EYS: variants seen among roughly 807,000 people sequenced by gnomAD.
EYS encodes the protein EGF-like photoreceptor maintenance factor.
A neutral mutation model predicts 282.1 loss-of-function variants in EYS; 250 were observed. The observed-to-expected ratio is 0.89, with a 90% CI of 0.80 to 0.98. The LOEUF (loss-of-function observed/expected upper bound fraction) is 0.98, where lower values mean the gene tolerates loss of function less well. Ranked by LOEUF, EYS falls within the 50% of genes least tolerant of loss-of-function variation. The pLI is 0.00. For missense variants in EYS, 4,016 were observed against 3,709.0 expected (o/e 1.08, Z -2.15); for synonymous variants, 1,355 against 1,282.9 (o/e 1.06, Z -1.20).
At chr6:64,682,410 C>T (rs537879924) in intron 22 of EYS, among the ~76,000 whole-genome samples, 1 of 152,082 alleles carries the variant, frequency 6.6e-6, no homozygotes, top group Non-Finnish European at 1.5e-5. Context: ...AAGTGATTCA[C>T]TGGCAGTGGC....
intron 33 of EYS, among the ~76,000 whole-genome samples, chr6:64,042,334 G>A (rs1225447115): frequency 6.6e-6 from 1 of 152,156 alleles, no homozygotes; most frequent in Non-Finnish European, 1.5e-5. Context: ...TAGTAACAGG[G>A]CTTAACTATT....
At chr6:64,681,447 A>T (rs183187841) in intron 22 of EYS, among the ~76,000 whole-genome samples, 57 of 152,300 alleles carry the variant, frequency 3.7e-4, no homozygotes, top group Admixed American at 8.5e-4. Context: ...TAGGGCAAAT[A>T]CTAGAAAGGA....
In EYS at chr6:65,653,010, A is replaced by C. The variant is rs184533002; in HGVS notation, c.-447-13118T>G. 2.3e-3 allele frequency among the ~76,000 whole-genome samples: 347 copies of C among 152,096 alleles called. 1 individual carries two copies. Among genetic ancestry groups the C allele is most frequent in the African/African-American group, 8.1e-3 (335 of 41,540 alleles). ...GGAGGGATAAACGAAGAGGAGGTTC[A>C]ACCTAAGCCAGAAGATAGTGTTAAC... On this transcript the variant is annotated intron_variant, in intron 1 of 42. Transcript: ENST00000503581.
chr6:65,288,954 G>A (rs1768446440), intron 12 of EYS, among the ~76,000 whole-genome samples: 2 of 150,748 alleles, frequency 1.3e-5, no homozygotes, highest in African/African-American at 2.4e-5. Flanking sequence ...TATCAATAAA[G>A]GGGAAATTGG....
intron 16 of EYS, among the ~76,000 whole-genome samples, chr6:64,909,943 T>A (rs1447473851): frequency 1.3e-5 from 2 of 152,188 alleles, no homozygotes; most frequent in African/African-American, 4.8e-5. Context: ...TACAGTCGCA[T>A]TGTTACTCTG....
Position 65,057,682 on chromosome 6 carries a change from CA to C in EYS, c.2068del (p.Cys690AlafsTer39). The C allele has an allele frequency of 3.9e-6, 6 of 1,550,936 alleles. No individual in the cohort carries two copies. The highest frequency in any genetic ancestry group is 4.4e-6 in the Non-Finnish European group (5 of 1,146,566). ...GTCAATGCAGGTGGCTCCATTTTTG[CA>C]GGGATGTGAAGCACACTCATCTATA... is the stretch of plus-strand genomic sequence containing the variant. ...IDIDECASHP[C>X]KNGATCIDQP... On this transcript the variant is annotated frameshift_variant, in exon 13 of 43. Coordinates refer to ENST00000503581, the MANE Select transcript of EYS (RefSeq NM_001142800.2). LOFTEE classifies it high-confidence loss of function.
intron 11 of EYS, among the ~76,000 whole-genome samples, chr6:65,324,593 C>T (rs1051864581): frequency 3.9e-5 from 6 of 152,154 alleles, no homozygotes; most frequent in African/African-American, 1.4e-4. Context: ...CTAGCATTTG[C>T]TCTTCTCCAC....
Position 64,500,063 on chromosome 6 carries a change from T to C in EYS, c.5645-60711A>G, listed in dbSNP as rs527437120. Among the ~76,000 whole-genome samples, 3 of 152,212 alleles carry C rather than the reference T, an allele frequency of 2.0e-5. No homozygotes were observed. In the South Asian group the frequency reaches 6.2e-4, roughly 32 times the overall value. ...TTATATGGGGTATAAAAATTTGTTA[T>C]GATGAAAATACATTGAATAAAATGA... On this transcript the variant is annotated intron_variant, in intron 26 of 42. Transcript: ENST00000503581.
chr6:65,589,486 A>C (rs1429294967), intron 2 of EYS, among the ~76,000 whole-genome samples: 1 of 152,014 alleles, frequency 6.6e-6, no homozygotes, highest in Non-Finnish European at 1.5e-5. Flanking sequence ...ACACACTTGT[A>C]CACACACTCA....
chr6:64,078,714 T>G (rs1771855448), intron 32 of EYS, among the ~76,000 whole-genome samples: 1 of 152,066 alleles, frequency 6.6e-6, no homozygotes, highest in African/African-American at 2.4e-5. Context: ...TGGGATTATT[T>G]TCTTACCAAT....
At chr6:64,285,652 AC>A (rs1422218140) in intron 30 of EYS, among the ~76,000 whole-genome samples, 17 of 152,216 alleles carry the variant, frequency 1.1e-4, no homozygotes, top group Admixed American at 2.0e-4. Flanking sequence ...ATTAATAAAA[AC>A]ATACCTGATA....
chr6:64,208,831 G>A (rs1765684411), intron 31 of EYS, among the ~76,000 whole-genome samples: 1 of 151,992 alleles, frequency 6.6e-6, no homozygotes, highest in Non-Finnish European at 1.5e-5. Flanking sequence ...AATCAAAACT[G>A]GAGAAAGATT....
chr6:64,698,719 T>TA (rs60974147), intron 22 of EYS, among the ~76,000 whole-genome samples: 1 of 151,870 alleles, frequency 6.6e-6, no homozygotes, highest in African/African-American at 2.4e-5. Flanking sequence ...AACAAGCATA[T>TA]AAAAAAAGCT....
intron 33 of EYS, among the ~76,000 whole-genome samples, chr6:64,054,195 A>C (rs538961902): frequency 6.6e-6 from 1 of 152,272 alleles, no homozygotes; most frequent in Admixed American, 6.5e-5. Flanking sequence ...GAGATAACAA[A>C]AAATCAATAG....
intron 41 of EYS, among the ~76,000 whole-genome samples, chr6:63,753,670 C>G (rs1769403685): frequency 6.6e-6 from 1 of 152,142 alleles, no homozygotes; most frequent in Admixed American, 6.5e-5. Flanking sequence ...CTCCCTCCCT[C>G]TAGATGTTGG....
chr6:65,256,316 T>A (rs1767462728), intron 12 of EYS, among the ~76,000 whole-genome samples: 1 of 144,626 alleles, frequency 6.9e-6, no homozygotes, highest in Admixed American at 6.9e-5. Context: ...ATGTGCACAT[T>A]GTGCAGGTTA....
intron 2 of EYS, among the ~76,000 whole-genome samples, chr6:65,517,952 GA>G (rs376129258): frequency 6.6e-6 from 1 of 151,796 alleles, no homozygotes. Context: ...TGTTTAGATA[GA>G]AAAAATAAAC....
chr6:65,035,929 T>C (rs893171856), intron 13 of EYS, among the ~76,000 whole-genome samples: 7 of 147,550 alleles, frequency 4.7e-5, no homozygotes, highest in Non-Finnish European at 8.9e-5. Flanking sequence ...ATATATTATA[T>C]ATTACATAGT....
chr6:65,523,757 CA>C (rs1767457216), intron 2 of EYS, among the ~76,000 whole-genome samples: 1 of 152,044 alleles, frequency 6.6e-6, no homozygotes, highest in Admixed American at 6.6e-5. Context: ...ATAGCTACAT[CA>C]GGGGTAGTCT....
Sources: allele counts gnomAD v4.1 joint callset (sites outside exome capture counted in the v4.1 genomes callset), GRCh38; gene constraint gnomAD v4.1.1; transcripts MANE v1.5; gene names NCBI Gene and HGNC (gene_info 2026-07-23, HGNC 2026-07-21).